Variants in LDLRAD4 observed in about 807,000 individuals in gnomAD.
The protein encoded by LDLRAD4 is low-density lipoprotein receptor class A domain-containing protein 4.
LDLRAD4 carries 5 observed loss-of-function variants against 17.0 expected under a neutral mutation model. The observed-to-expected ratio is 0.29, with a 90% CI of 0.15 to 0.62. LDLRAD4 has a LOEUF of 0.62. Among genes scored for constraint, LDLRAD4 ranks in the 20% least tolerant of loss-of-function variants. LDLRAD4 has a pLI of 0.84. For synonymous variants in LDLRAD4, 168 were observed against 171.8 expected (o/e 0.98, Z 0.17); for missense variants, 340 against 424.7 (o/e 0.80, Z 1.75).
intron 1 of LDLRAD4, among the ~76,000 whole-genome samples, chr18:13,289,645 A>G (rs2045851697): frequency 6.6e-6 from 1 of 152,214 alleles, no homozygotes; most frequent in Admixed American, 6.5e-5. Flanking sequence ...GAGATGAGTC[A>G]TTGCTAAAAT....
intron 1 of LDLRAD4, among the ~76,000 whole-genome samples, chr18:13,296,014 C>T (rs1356090016): frequency 6.6e-6 from 1 of 152,202 alleles, no homozygotes; most frequent in Non-Finnish European, 1.5e-5. Context: ...TGCCCAGGAC[C>T]CCACCGGCAG....
chr18:13,504,620 GT>G (rs778966190), intron 3 of LDLRAD4, among the ~76,000 whole-genome samples: 4 of 152,080 alleles, frequency 2.6e-5, no homozygotes, highest in Non-Finnish European at 4.4e-5. Flanking sequence ...TAGAGATGGG[GT>G]TTCACTATGT....
chr18:13,645,912 G>T lies in LDLRAD4; in HGVS notation c.*255G>T. 1 of 357,644 alleles carries T rather than the reference G, an allele frequency of 2.8e-6. No individual in the cohort carries two copies. The highest frequency in any genetic ancestry group is 4.2e-5 in the East Asian group (1 of 23,596). 22.2% of individuals were successfully genotyped at this position (357,644 alleles called of 1,614,324 possible). A position where few individuals can be genotyped will look rare whatever the true frequency, so the allele number is the denominator to read the frequency against. On this transcript the variant is annotated 3_prime_UTR_variant, in exon 6 of 6. Transcript: ENST00000359446. The surrounding 1 kb of genome is among the most constrained non-coding windows in gnomAD (Gnocchi z 5.7). Reference sequence around the variant, plus strand: ...GGGGTTGGGATGGGGGTGTGGGCAGGGGAAAACAGAGAACGGGATGCTTTG... The same window carrying T: ...GGGGTTGGGATGGGGGTGTGGGCAGTGGAAAACAGAGAACGGGATGCTTTG...
At chr18:13,546,074 C>T (rs535237720) in intron 3 of LDLRAD4, among the ~76,000 whole-genome samples, 7 of 152,214 alleles carry the variant, frequency 4.6e-5, no homozygotes, top group East Asian at 3.9e-4. Context: ...TGAGGCTGTT[C>T]GGGATTAGGG....
intron 3 of LDLRAD4, among the ~76,000 whole-genome samples, chr18:13,451,482 G>A (rs1244130529): frequency 6.6e-6 from 1 of 152,212 alleles, no homozygotes; most frequent in South Asian, 2.1e-4. Flanking sequence ...CTCCCTGGAA[G>A]CAGATGTCAA....
In LDLRAD4 at chr18:13,518,994, G is replaced by T. The variant is rs370051283; in HGVS notation, c.181+80610G>T. On this transcript the variant is annotated intron_variant, in intron 3 of 5. Transcript: ENST00000359446. ...TCAGCTTTCTTCAGCAGCAGTGTTC[G>T]TTGTGGGAGCCCCGCAGTGGAAATG... Among the ~76,000 whole-genome samples the T allele has an allele frequency of 4.6e-5, 7 of 152,274 alleles. No individual in the cohort carries two copies. In the South Asian group the frequency reaches 1.5e-3, roughly 32 times the overall value.
intron 3 of LDLRAD4, among the ~76,000 whole-genome samples, chr18:13,451,868 C>G (rs1338507242): frequency 6.6e-6 from 1 of 152,232 alleles, no homozygotes; most frequent in East Asian, 1.9e-4. Context: ...CTAAGCTTGT[C>G]ACTCAGGGGT....
At chr18:13,519,208 T>G (rs1601040092) in intron 3 of LDLRAD4, among the ~76,000 whole-genome samples, 1 of 152,236 alleles carries the variant, frequency 6.6e-6, no homozygotes, top group African/African-American at 2.4e-5. Flanking sequence ...TAAAGATTAC[T>G]TTATCCAGCA....
At chr18:13,620,778 G>A (rs1159839843) in intron 3 of LDLRAD4, 5 of 324,090 alleles carry the variant, frequency 1.5e-5, no homozygotes, top group Non-Finnish European at 2.3e-5. Context: ...TAGGGGAATT[G>A]CTTTGAGAAA....
chr18:13,552,214 C>T (rs1228656560), intron 3 of LDLRAD4, among the ~76,000 whole-genome samples: 1 of 152,192 alleles, frequency 6.6e-6, no homozygotes, highest in African/African-American at 2.4e-5. Context: ...CTGCAGCTCC[C>T]AGCGGCCAGC....
chr18:13,306,926 G>A (rs1000675562), intron 1 of LDLRAD4, among the ~76,000 whole-genome samples: 1 of 152,188 alleles, frequency 6.6e-6, no homozygotes, highest in East Asian at 1.9e-4. Flanking sequence ...AACACAGGAC[G>A]ACTTAATGGA....
At chr18:13,261,795 A>G (rs1029778973) in intron 1 of LDLRAD4, among the ~76,000 whole-genome samples, 8 of 152,062 alleles carry the variant, frequency 5.3e-5, no homozygotes, top group Admixed American at 1.3e-4. Context: ...ACCTGTATGC[A>G]GTACCTGTGC....
At chr18:13,417,031 T>C (rs745903123) in intron 2 of LDLRAD4, among the ~76,000 whole-genome samples, 5 of 152,198 alleles carry the variant, frequency 3.3e-5, no homozygotes, top group Non-Finnish European at 7.3e-5. Flanking sequence ...CAGTAAGTAG[T>C]AGAGCCAGCT....
intron 1 of LDLRAD4, among the ~76,000 whole-genome samples, chr18:13,291,951 A>G (rs1001382087): frequency 5.3e-5 from 8 of 152,112 alleles, no homozygotes; most frequent in African/African-American, 1.9e-4. Flanking sequence ...AGCCAATTTG[A>G]TGAAATTTTG....
At chr18:13,483,455 G>A (rs61297934) in intron 3 of LDLRAD4, among the ~76,000 whole-genome samples, 1,778 of 152,296 alleles carry the variant, frequency 0.012, 70 homozygotes, top group East Asian at 0.11. Flanking sequence ...GGTCATGTCA[G>A]GCATCACGCA....
chr18:13,285,924 T>C (rs967125756), intron 1 of LDLRAD4, among the ~76,000 whole-genome samples: 1 of 152,180 alleles, frequency 6.6e-6, no homozygotes, highest in Non-Finnish European at 1.5e-5. Flanking sequence ...CTGGAAAAAA[T>C]GTAAAATGGT....
chr18:13,605,702 G>A (rs2095216206), intron 3 of LDLRAD4, among the ~76,000 whole-genome samples: 1 of 152,200 alleles, frequency 6.6e-6, no homozygotes, highest in South Asian at 2.1e-4. Flanking sequence ...CTACCTACAT[G>A]TGCACACAAA....
chr18:13,459,407 G>A (rs1437992654), intron 3 of LDLRAD4, among the ~76,000 whole-genome samples: 1 of 150,492 alleles, frequency 6.6e-6, no homozygotes, highest in East Asian at 1.9e-4. Flanking sequence ...TTCCTGAGAT[G>A]GAGTCTTACT....
intron 1 of LDLRAD4, among the ~76,000 whole-genome samples, chr18:13,338,131 A>G (rs1438948561): frequency 3.9e-5 from 6 of 152,158 alleles, no homozygotes; most frequent in African/African-American, 7.2e-5. Context: ...GGAGAAATGT[A>G]TATAGGTAGA....
Sources: allele counts gnomAD v4.1 joint callset (sites outside exome capture counted in the v4.1 genomes callset), GRCh38; gene constraint gnomAD v4.1.1; non-coding constraint Gnocchi (gnomAD v3.1); transcripts MANE v1.5; gene names NCBI Gene and HGNC (gene_info 2026-07-23, HGNC 2026-07-21).